Variants in PDE6B observed in about 807,000 individuals in gnomAD.
The protein encoded by PDE6B is rod cGMP-specific 3',5'-cyclic phosphodiesterase subunit beta.
In PDE6B, 106 loss-of-function variants were observed where a neutral mutation model predicts 109.0. That is an observed-to-expected ratio of 0.97 (90% CI 0.83 to 1.14). The LOEUF (loss-of-function observed/expected upper bound fraction) is 1.14, where lower values mean the gene tolerates loss of function less well. Among genes scored for constraint, PDE6B ranks in the 50% most tolerant of loss-of-function variants. The pLI, the probability that PDE6B is intolerant of heterozygous loss-of-function variation, is 0.00. For missense variants in PDE6B, 1,193 were observed against 1,155.6 expected (o/e 1.03, Z -0.47); for synonymous variants, 490 against 471.3 (o/e 1.04, Z -0.51).
chr4:625,582 C>T lies in PDE6B; in HGVS notation c.-45C>T, dbSNP rs369103222. The T allele has an allele frequency of 7.4e-7, 1 of 1,349,346 alleles. No homozygotes were observed. The allele number at this position is 1,349,346 out of a possible 1,614,324, so 83.6% of individuals were successfully genotyped here. A position where few individuals can be genotyped will look rare whatever the true frequency, so the allele number is the denominator to read the frequency against. ...CTGATGACAGGGTTTCCTGGGAGTC[C>T]ATGCGTGCCTGGAGCAGCAGCGTCT... On this transcript the variant is annotated 5_prime_UTR_variant, in exon 1 of 22. Coordinates refer to ENST00000496514, the MANE Select transcript of PDE6B (RefSeq NM_000283.4). The surrounding 1 kb of genome is among the most constrained non-coding windows in gnomAD (Gnocchi z 5.0).
intron 2 of PDE6B, 31 bp downstream of exon 2, chr4:634,860 C>G (rs769096236): frequency 6.2e-7 from 1 of 1,602,358 alleles, no homozygotes; most frequent in African/African-American, 1.3e-5. Flanking sequence ...GGCAGCCGCG[C>G]GTCTGCCTCC....
chr4:630,762 C>T (rs537261360), intron 1 of PDE6B, among the ~76,000 whole-genome samples: 44 of 152,336 alleles, frequency 2.9e-4, no homozygotes, highest in African/African-American at 9.1e-4. Context: ...TGCTCTGGAC[C>T]TCTAAGGAGC....
intron 3 of PDE6B, chr4:653,514 T>G: frequency 4.1e-6 from 2 of 484,214 alleles, no homozygotes; most frequent in African/African-American, 2.0e-5. Context: ...TCGCCGCAGG[T>G]GGTTCTGGAG....
chr4:668,039 T>C, intron 21 of PDE6B, 33 bp downstream of exon 21: 1 of 1,596,876 alleles, frequency 6.3e-7, no homozygotes, highest in Non-Finnish European at 8.5e-7. Context: ...GGGCAGGGAC[T>C]CGGTGACTCT....
At position 664,221 on chromosome 4, in the gene PDE6B, T is replaced by G. The variant is rs768040855; in HGVS notation, c.2129T>G (p.Met710Arg). The change falls in exon 17 of 22, where the codon ATG becomes AGG. Residue 710 changes from methionine to arginine, a missense_variant and splice_region_variant. Transcript: ENST00000496514. ...SLETTRKEIV[M>R]AMMMTACDLS... is the part of the protein sequence containing the mutation. ...GAGACGACCCGGAAGGAGATCGTCA[T>G]GTGAGCGCGGGCGGAGGGGGCACGA... 1 of 1,566,450 alleles carries G rather than the reference T, an allele frequency of 6.4e-7. No individual in the cohort carries two copies. Among genetic ancestry groups the G allele is most frequent in the Non-Finnish European group, 8.8e-7 (1 of 1,137,024 alleles).
rs1224742842 is a variant in PDE6B, at chr4:633,091, CAGGCACCACGACA to C, written c.469-1583_469-1571del. On this transcript the variant is annotated intron_variant, in intron 1 of 21. Coordinates refer to ENST00000496514, the MANE Select transcript of PDE6B (RefSeq NM_000283.4). This position sits in a 1 kb window ranked among gnomAD's most constrained non-coding sequence, Gnocchi z 4.5. ...ACTGTCCAAACTGCCACAGGCACAA[CAGGCACCACGACA>C]AGCAGGCAGGAGTGTGCTGTGCTTG... Among the ~76,000 whole-genome samples the C allele has an allele frequency of 3.7e-4, 56 of 152,242 alleles. No homozygotes were observed. The highest frequency in any genetic ancestry group is 1.3e-3 in the African/African-American group (54 of 41,536).
rs778929443 is a variant in PDE6B, at chr4:656,300, T to G, written c.1107+8T>G. ...GAAATGTTCAAATTTCAGGTATCTG[T>G]CTGTGCCTTGGTAGAAATTATACTT... On this transcript the variant is annotated splice_region_variant and intron_variant, in intron 8 of 21. Coordinates refer to ENST00000496514, the MANE Select transcript of PDE6B (RefSeq NM_000283.4). 6.0e-6 allele frequency: 9 copies of G among 1,507,728 alleles called. No individual in the cohort carries two copies. In the Admixed American group the frequency reaches 6.7e-5, roughly 11 times the overall value. The allele number at this position is 1,507,728 out of a possible 1,614,324, so 93.4% of individuals were successfully genotyped here. A position where few individuals can be genotyped will look rare whatever the true frequency, so the allele number is the denominator to read the frequency against.
intron 3 of PDE6B, chr4:653,172 A>G: frequency 1.0e-6 from 1 of 996,280 alleles, no homozygotes; most frequent in Non-Finnish European, 1.2e-6. Context: ...GAGCTGGGCT[A>G]GGACACCGCA....
intron 3 of PDE6B, among the ~76,000 whole-genome samples, chr4:642,330 G>A (rs1463635106): frequency 6.6e-6 from 1 of 152,070 alleles, no homozygotes; most frequent in Non-Finnish European, 1.5e-5. Context: ...CAAAAAATTA[G>A]CCAGGCATGG....
At chr4:651,164 G>A (rs1038626525) in intron 3 of PDE6B, among the ~76,000 whole-genome samples, 8 of 150,736 alleles carry the variant, frequency 5.3e-5, no homozygotes, top group African/African-American at 1.2e-4. Flanking sequence ...CTGAGGCGCC[G>A]ATGTCAACAG....
At chr4:635,089 G>A (rs1340513972) in intron 2 of PDE6B, among the ~76,000 whole-genome samples, 2 of 119,892 alleles carry the variant, frequency 1.7e-5, no homozygotes, top group African/African-American at 3.7e-5. Flanking sequence ...TCTCTGCTGC[G>A]TGTCTGCCTC....
intron 1 of PDE6B, among the ~76,000 whole-genome samples, chr4:627,727 G>C (rs7669178): frequency 0.84 from 125,017 of 148,726 alleles, 52,659 homozygotes; most frequent in Middle Eastern, 0.89. Flanking sequence ...CATCCTCCCC[G>C]TCTCCCTTCC....
At chr4:651,193 C>T (rs1444924455) in intron 3 of PDE6B, among the ~76,000 whole-genome samples, 2 of 111,220 alleles carry the variant, frequency 1.8e-5, no homozygotes, top group African/African-American at 3.6e-5. Flanking sequence ...CCGTCACAGG[C>T]GGGGCAGGGG....
At position 670,673 on chromosome 4, in the gene PDE6B, A is replaced by G. The variant is rs914309498; in HGVS notation, c.*566A>G. On this transcript the variant is annotated 3_prime_UTR_variant, in exon 22 of 22. Transcript: ENST00000496514. ...GAAATCACTGAGAACATTTGCAGCC[A>G]CACATGTACATATGTGTACACAGGT... The G allele has an allele frequency of 2.3e-5, 4 of 171,498 alleles. No homozygotes were observed. The highest frequency in any genetic ancestry group is 5.1e-5 in the Non-Finnish European group (4 of 78,506). 10.6% of individuals were successfully genotyped at this position (171,498 alleles called of 1,614,324 possible).
intron 11 of PDE6B, among the ~76,000 whole-genome samples, chr4:659,728 G>T (rs1028074861): frequency 4.7e-5 from 7 of 150,142 alleles, no homozygotes; most frequent in African/African-American, 1.8e-4. Flanking sequence ...GTGCACCCAT[G>T]TGTGTGTGCT....
Position 638,756 on chromosome 4 carries a change from G to A in PDE6B, c.711+2787G>A, listed in dbSNP as rs1398396755. 1.1e-4 allele frequency among the ~76,000 whole-genome samples: 16 copies of A among 152,358 alleles called. No homozygotes were observed. In the South Asian group the frequency reaches 3.1e-3, roughly 30 times the overall value. ...ATGAGGGGTCCTCGTTACCCTAGCAGGTAATGAGGGGGGCTGGGCCTGGTG... is the reference window on the plus strand; with the variant it reads ...ATGAGGGGTCCTCGTTACCCTAGCAAGTAATGAGGGGGGCTGGGCCTGGTG... On this transcript the variant is annotated intron_variant, in intron 3 of 21. Coordinates refer to ENST00000496514, the MANE Select transcript of PDE6B (RefSeq NM_000283.4).
chr4:626,206 G>T lies in PDE6B; in HGVS notation c.468+112G>T. 1.4e-6 allele frequency: 1 copy of T among 714,060 alleles called. No homozygotes were observed. Among genetic ancestry groups the T allele is most frequent in the Non-Finnish European group, 2.5e-6 (1 of 404,836 alleles). The allele number at this position is 714,060 out of a possible 1,614,324, so 44.2% of individuals were successfully genotyped here. ...GCCTCCAGGGAGGCCTCTTGTCAGG[G>T]CACAGGCTAGTTCTGTGCTGAGGAG... On this transcript the variant is annotated intron_variant, in intron 1 of 21. Coordinates refer to ENST00000496514, the MANE Select transcript of PDE6B (RefSeq NM_000283.4). The surrounding 1 kb of genome is among the most constrained non-coding windows in gnomAD (Gnocchi z 4.6).
rs1738387271 is a variant in PDE6B at position 670,404 on chromosome 4, G to C, written c.*297G>C. The C allele has an allele frequency of 2.8e-6, 1 of 360,700 alleles. No individual in the cohort carries two copies. Among genetic ancestry groups the C allele is most frequent in the East Asian group, 6.7e-5 (1 of 14,896 alleles). The allele number at this position is 360,700 out of a possible 1,614,324, so 22.3% of individuals were successfully genotyped here. On this transcript the variant is annotated 3_prime_UTR_variant, in exon 22 of 22. Coordinates refer to ENST00000496514, the MANE Select transcript of PDE6B (RefSeq NM_000283.4). ...ACTACAGGCGCCCACCACCACACATGGCTAATTTTTGTATTTTCAGTACAG... is the reference window on the plus strand; with the variant it reads ...ACTACAGGCGCCCACCACCACACATCGCTAATTTTTGTATTTTCAGTACAG...
rs138789637 is a variant in PDE6B at position 653,929 on chromosome 4, G to A, written c.789G>A (p.Thr263=). 2.8e-5 allele frequency: 45 copies of A among 1,613,794 alleles called. No homozygotes were observed. The highest frequency in any genetic ancestry group is 6.6e-5 in the South Asian group (6 of 91,092). Reference sequence around the variant, plus strand: ...GGCAGTTCCACAAGGCCTTCTACACGGTGCGGGCCTACCTCAACTGCGAGC... The same window carrying A: ...GGCAGTTCCACAAGGCCTTCTACACAGTGCGGGCCTACCTCAACTGCGAGC... The part of the protein sequence containing the change: ...IERQFHKAFY[T]VRAYLNCERY... The change falls in exon 4 of 22, where the codon ACG becomes ACA. Residue 263 remains threonine (T), a synonymous_variant. Coordinates refer to ENST00000496514, the MANE Select transcript of PDE6B (RefSeq NM_000283.4).
Sources: gnomAD v4.1 joint callset for allele counts (sites outside exome capture counted in the v4.1 genomes callset) on GRCh38, gnomAD v4.1.1 for gene constraint, Gnocchi (gnomAD v3.1) non-coding constraint, MANE v1.5 for transcripts, NCBI Gene and HGNC (gene_info 2026-07-23, HGNC 2026-07-21) for gene names.